Variants in BNC2 observed in about 807,000 individuals in gnomAD.
BNC2 encodes zinc finger protein basonuclin-2.
BNC2 carries 20 observed loss-of-function variants against 76.3 expected under a neutral mutation model. The observed-to-expected ratio is 0.26, with a 90% CI of 0.18 to 0.38. BNC2 has a LOEUF of 0.38. Among genes scored for constraint, BNC2 ranks in the 10% least tolerant of loss-of-function variants. The pLI is 1.00. For synonymous variants in BNC2, 582 were observed against 514.8 expected, an observed-to-expected ratio of 1.13 and a Z score of -1.77; for missense variants, 1,382 against 1,399.8, an observed-to-expected ratio of 0.99 and a Z score of 0.20.
At chr9:16,571,841 A>G (rs1277771342) in intron 4 of BNC2, among the ~76,000 whole-genome samples, 3 of 152,184 alleles carry the variant, frequency 2.0e-5, no homozygotes, top group African/African-American at 7.2e-5. Context: ...GCAGACAAGA[A>G]CATAATAAAA....
At chr9:16,667,604 A>G (rs1055460543) in intron 3 of BNC2, among the ~76,000 whole-genome samples, 44 of 152,214 alleles carry the variant, frequency 2.9e-4, no homozygotes, top group African/African-American at 9.7e-4. Flanking sequence ...ATTAAATGAG[A>G]TAGCCTTTTG....
intron 5 of BNC2, among the ~76,000 whole-genome samples, chr9:16,486,366 T>A (rs1014623928): frequency 2.6e-5 from 4 of 152,226 alleles, no homozygotes; most frequent in African/African-American, 9.6e-5. Context: ...TCTGTGGGAC[T>A]TGATGTTCCT....
intron 3 of BNC2, among the ~76,000 whole-genome samples, chr9:16,616,781 G>GGAAGGAAGGAAGGAAGGA: frequency 1.9e-5 from 1 of 52,804 alleles, no homozygotes. Flanking sequence ...GAGGGGAGGG[G>GGAAGGAAGGAAGGAAGGA]AGGAAGGAGG....
intron 5 of BNC2, among the ~76,000 whole-genome samples, chr9:16,502,554 C>G (rs1263041880): frequency 6.7e-6 from 1 of 149,506 alleles, no homozygotes; most frequent in Non-Finnish European, 1.5e-5. Flanking sequence ...GTCTTTTTTC[C>G]CCCCCTCTTA....
At chr9:16,446,705 A>T (rs1252446634) in intron 5 of BNC2, among the ~76,000 whole-genome samples, 1 of 152,118 alleles carries the variant, frequency 6.6e-6, no homozygotes, top group Non-Finnish European at 1.5e-5. Context: ...ACCAGATAAG[A>T]ATGTATAATT....
chr9:16,550,882 A>G (rs1436136817), intron 5 of BNC2, among the ~76,000 whole-genome samples: 1 of 152,184 alleles, frequency 6.6e-6, no homozygotes. Context: ...TGTGTAGGGT[A>G]AAATCCATTC....
At chr9:16,779,300 T>G (rs1826059572) in intron 1 of BNC2, among the ~76,000 whole-genome samples, 1 of 31,990 alleles carries the variant, frequency 3.1e-5, no homozygotes, top group African/African-American at 9.3e-5. Context: ...AGACCCTCTC[T>G]CAAAAAAAAA....
chr9:16,458,004 G>C (rs951881157), intron 5 of BNC2, among the ~76,000 whole-genome samples: 2 of 152,148 alleles, frequency 1.3e-5, no homozygotes, highest in African/African-American at 4.8e-5. Context: ...TCCAGGAATG[G>C]GTGGGTAGGT....
Position 16,418,846 on chromosome 9 carries a change from A to G in BNC2, c.*143T>C, listed in dbSNP as rs955969481. 10 of 899,568 alleles carry G rather than the reference A, an allele frequency of 1.1e-5. No homozygotes were observed. Among genetic ancestry groups the G allele is most frequent in the Non-Finnish European group, 1.8e-5 (10 of 563,406 alleles). The allele number at this position is 899,568 out of a possible 1,614,324, so 55.7% of individuals were successfully genotyped here. On this transcript the variant is annotated 3_prime_UTR_variant, in exon 7 of 7. Coordinates refer to ENST00000380672, the MANE Select transcript of BNC2 (RefSeq NM_017637.6). Reference sequence around the variant, plus strand: ...TTATCTCAAGGAAATACGTGTGTGTATATGTAGCCACAGAGCATACATAAA... The same window carrying G: ...TTATCTCAAGGAAATACGTGTGTGTGTATGTAGCCACAGAGCATACATAAA...
rs138170678 is a variant in BNC2 at position 16,536,962 on chromosome 9, A to T, written c.669+15568T>A. The stretch of plus-strand genomic sequence containing the variant: ...CATTTAGTATATTACTTTTATCAAA[A>T]CTAAATATTTGAAATGTTACTAACA... On this transcript the variant is annotated intron_variant, in intron 5 of 6. Coordinates refer to ENST00000380672, the MANE Select transcript of BNC2 (RefSeq NM_017637.6). 3.2e-3 allele frequency among the ~76,000 whole-genome samples: 490 copies of T among 152,222 alleles called. 5 individuals carry two copies. The highest frequency in any genetic ancestry group is 0.018 in the South Asian group (88 of 4,824).
intron 3 of BNC2, among the ~76,000 whole-genome samples, chr9:16,600,398 T>G (rs1820213547): frequency 6.6e-6 from 1 of 152,232 alleles, no homozygotes; most frequent in Non-Finnish European, 1.5e-5. Flanking sequence ...TGTTTAACAC[T>G]GAGACACAGC....
intron 5 of BNC2, among the ~76,000 whole-genome samples, chr9:16,453,980 C>T (rs563900848): frequency 4.8e-4 from 73 of 152,272 alleles, no homozygotes; most frequent in Admixed American, 4.6e-3. Context: ...TCAGTGAACA[C>T]ACTATATACT....
At position 16,646,075 on chromosome 9, in the gene BNC2, G is replaced by C. The variant is rs544180905; in HGVS notation, c.331-62990C>G. ...TACACAGCAACACGTCTACCTTCCA[G>C]TTAGCAAAACAGTTTCACAACGTAA... On this transcript the variant is annotated intron_variant, in intron 3 of 6. Coordinates refer to ENST00000380672, the MANE Select transcript of BNC2 (RefSeq NM_017637.6). Among the ~76,000 whole-genome samples the C allele has an allele frequency of 7.9e-5, 12 of 152,350 alleles. No homozygotes were observed. The East Asian group carries it at 2.3e-3, about 29-fold the overall frequency.
intron 3 of BNC2, among the ~76,000 whole-genome samples, chr9:16,692,080 G>A (rs1823189879): frequency 6.6e-6 from 1 of 152,104 alleles, no homozygotes; most frequent in Non-Finnish European, 1.5e-5. Context: ...CAAAGTGCTG[G>A]GATTACAGGC....
intron 5 of BNC2, among the ~76,000 whole-genome samples, chr9:16,486,946 C>G (rs1361763189): frequency 6.6e-6 from 1 of 152,190 alleles, no homozygotes; most frequent in Admixed American, 6.5e-5. Flanking sequence ...TCGGATCATG[C>G]AGTCCTCCCA....
chr9:16,425,599 G>T (rs530066553), intron 6 of BNC2, among the ~76,000 whole-genome samples: 1 of 152,286 alleles, frequency 6.6e-6, no homozygotes, highest in Admixed American at 6.5e-5. Flanking sequence ...CACCAAATTT[G>T]TTTACTAAAT....
At chr9:16,449,841 C>CGGG (rs543844239) in intron 5 of BNC2, among the ~76,000 whole-genome samples, 9 of 79,708 alleles carry the variant, frequency 1.1e-4, no homozygotes, top group East Asian at 3.0e-4. Context: ...AAAGGTGGGG[C>CGGG]GGGGGGGGAG....
At chr9:16,649,016 G>A (rs1821718756) in intron 3 of BNC2, among the ~76,000 whole-genome samples, 1 of 152,152 alleles carries the variant, frequency 6.6e-6, no homozygotes, top group Non-Finnish European at 1.5e-5. Context: ...CTGTATGAAA[G>A]ACAAAAACAT....
intron 1 of BNC2, among the ~76,000 whole-genome samples, chr9:16,780,223 A>C (rs189948559): frequency 1.6e-4 from 20 of 128,008 alleles, no homozygotes; most frequent in African/African-American, 4.6e-4. Context: ...GTGACAGAGC[A>C]AGACTTCGTT....
Sources: allele counts gnomAD v4.1 joint callset (sites outside exome capture counted in the v4.1 genomes callset), GRCh38; gene constraint gnomAD v4.1.1; transcripts MANE v1.5; gene names NCBI Gene and HGNC (gene_info 2026-07-23, HGNC 2026-07-21).